The following ARHGEF37 variants were observed in gnomAD, a reference collection of about 807,000 sequenced individuals.
ARHGEF37 encodes the protein Rho guanine nucleotide exchange factor 37, also known as Rho guanine nucleotide exchange factor (GEF) 37.
ARHGEF37 carries 55 observed loss-of-function variants against 71.1 expected under a neutral mutation model. The observed-to-expected ratio is 0.77, with a 90% CI of 0.62 to 0.97. The LOEUF is 0.97. Ranked by LOEUF, ARHGEF37 falls within the 50% of genes least tolerant of loss-of-function variation. The pLI is 0.00. For synonymous variants in ARHGEF37, 327 were observed against 350.6 expected, an observed-to-expected ratio of 0.93 and a Z score of 0.75; for missense variants, 765 against 836.8, an observed-to-expected ratio of 0.91 and a Z score of 1.06.
At chr5:149,626,927 C>A (rs921572568) in intron 10 of ARHGEF37, 149 bp from the exon 11 acceptor site, 8 of 630,088 alleles carry the variant, frequency 1.3e-5, no homozygotes, top group Admixed American at 2.9e-5. Context: ...CTAGTGAGGG[C>A]CCTGTTGCCC....
chr5:149,608,409 T>TG (rs1763977651), intron 3 of ARHGEF37, among the ~76,000 whole-genome samples: 1 of 151,756 alleles, frequency 6.6e-6, no homozygotes, highest in African/African-American at 2.4e-5. Context: ...CTTGCTCTGT[T>TG]GTGCAGGCTG....
At chr5:149,619,934 A>C (rs1205233229) in intron 7 of ARHGEF37, among the ~76,000 whole-genome samples, 5 of 152,074 alleles carry the variant, frequency 3.3e-5, no homozygotes, top group Non-Finnish European at 5.9e-5. Flanking sequence ...TTAGCCAGGC[A>C]AGGTGTCACA....
chr5:149,621,553 G>A (rs564278813), intron 8 of ARHGEF37, among the ~76,000 whole-genome samples, 180 bp from the exon 9 acceptor site: 1 of 152,220 alleles, frequency 6.6e-6, no homozygotes, highest in African/African-American at 2.4e-5. Context: ...TACATGCATC[G>A]TCCCCATTTT....
In ARHGEF37 at chr5:149,632,252, G is replaced by A. The variant is rs1288719480; in HGVS notation, c.*61G>A. The A allele has an allele frequency of 6.4e-7, 1 of 1,558,738 alleles. No homozygotes were observed. Among genetic ancestry groups the A allele is most frequent in the African/African-American group, 1.4e-5 (1 of 73,390 alleles). On this transcript the variant is annotated 3_prime_UTR_variant, in exon 13 of 13. Transcript: ENST00000333677. ...GGGGAGGCTTAGAGGCTCTGACCCT[G>A]GGGGGAAAAGAAGCAAAGGAAAGGT...
chr5:149,602,361 T>C (rs899218669), intron 3 of ARHGEF37, among the ~76,000 whole-genome samples: 1 of 152,194 alleles, frequency 6.6e-6, no homozygotes, highest in African/African-American at 2.4e-5. Flanking sequence ...AGCTGATTTA[T>C]GTTTTTCAAA....
At chr5:149,601,471 C>T (rs556218477) in intron 3 of ARHGEF37, among the ~76,000 whole-genome samples, 2 of 152,256 alleles carry the variant, frequency 1.3e-5, no homozygotes, top group East Asian at 1.9e-4. Flanking sequence ...CTTACAGTCA[C>T]GGAATTGTTA....
At chr5:149,558,721 G>A (rs1561781112) in intron 1 of ARHGEF37, among the ~76,000 whole-genome samples, 1 of 135,636 alleles carries the variant, frequency 7.4e-6, no homozygotes, top group Non-Finnish European at 1.5e-5. Flanking sequence ...GTGTGTGTGT[G>A]TGTGTGTGTG....
chr5:149,619,149 C>T (rs1752463521), intron 7 of ARHGEF37, 107 bp downstream of exon 7: 9 of 857,798 alleles, frequency 1.0e-5, no homozygotes, highest in Non-Finnish European at 1.4e-5. Flanking sequence ...GCCTCAGAAA[C>T]CAACCAGATG....
chr5:149,598,785 G>GAT (rs1325785174), intron 2 of ARHGEF37, among the ~76,000 whole-genome samples: 95 of 143,146 alleles, frequency 6.6e-4, no homozygotes, highest in African/African-American at 2.5e-3. Context: ...TAGATATATA[G>GAT]ATATAGATAT....
At chr5:149,618,148 G>T in intron 5 of ARHGEF37, 28 bp from the exon 6 acceptor site, 1 of 1,613,278 alleles carries the variant, frequency 6.2e-7, no homozygotes, top group African/African-American at 1.3e-5. Flanking sequence ...CTTGATCACC[G>T]TGCTTCCCCT....
At chr5:149,609,840 C>T in intron 4 of ARHGEF37, 145 bp downstream of exon 4, 1 of 1,148,834 alleles carries the variant, frequency 8.7e-7, no homozygotes, top group East Asian at 2.6e-5. Flanking sequence ...ATAGGGCAGG[C>T]TGTGCCACAG....
intron 1 of ARHGEF37, among the ~76,000 whole-genome samples, chr5:149,569,463 G>T (rs1258781433): frequency 6.7e-6 from 1 of 150,162 alleles, no homozygotes; most frequent in African/African-American, 2.5e-5. Context: ...GGGACTACAG[G>T]CACCTGTCAC....
At chr5:149,616,488 A>G in intron 4 of ARHGEF37, 79 bp from the exon 5 acceptor site, 1 of 1,360,000 alleles carries the variant, frequency 7.4e-7, no homozygotes, top group Non-Finnish European at 1.0e-6. Flanking sequence ...GCTAAATGGT[A>G]GAGTGAGGAC....
At chr5:149,617,844 A>G (rs928386114) in intron 5 of ARHGEF37, among the ~76,000 whole-genome samples, 1 of 152,046 alleles carries the variant, frequency 6.6e-6, no homozygotes, top group Admixed American at 6.6e-5. Context: ...TCTCTCCTCC[A>G]TGGGTTCTTC....
intron 8 of ARHGEF37, among the ~76,000 whole-genome samples, chr5:149,620,829 C>CA (rs66996935): frequency 6.9e-6 from 1 of 144,890 alleles, no homozygotes; most frequent in East Asian, 2.1e-4. Flanking sequence ...GACTCCTTCT[C>CA]AAAAAAAGAA....
chr5:149,619,133 G>T, intron 7 of ARHGEF37, 91 bp downstream of exon 7: 1 of 1,084,586 alleles, frequency 9.2e-7, no homozygotes, highest in Non-Finnish European at 1.4e-6. Flanking sequence ...GCTGGGAAAG[G>T]CACCAGCCTC....
chr5:149,556,487 G>T (rs1023768450), intron 1 of ARHGEF37, among the ~76,000 whole-genome samples: 2 of 151,860 alleles, frequency 1.3e-5, no homozygotes, highest in Non-Finnish European at 2.9e-5. Context: ...TCCCAGGTTC[G>T]AGCGATTCTC....
Position 149,628,815 on chromosome 5 carries a change from G to C in ARHGEF37, c.1667G>C (p.Arg556Pro), listed in dbSNP as rs779590644. Residue 556 changes from arginine to proline, a missense_variant, in exon 12 of 13, where the codon CGT becomes CCT. Arg to Pro is a moderately radical substitution (Grantham distance 103). This residue lies in a region of ARHGEF37 where 390 missense variants were observed against 407.4 expected (regional missense o/e 0.96). Transcript: ENST00000333677. ...GRWLVDTGGH[R>P]GYVPAGKLQL... Reference sequence around the variant, plus strand: ...CCTTCTGCATGCTCCCTAGGACATCGTGGGTATGTGCCGGCTGGGAAACTA... The same window carrying C: ...CCTTCTGCATGCTCCCTAGGACATCCTGGGTATGTGCCGGCTGGGAAACTA... The C allele has an allele frequency of 3.1e-6, 5 of 1,612,832 alleles. No homozygotes were observed. Among genetic ancestry groups the C allele is most frequent in the Non-Finnish European group, 3.4e-6 (4 of 1,179,524 alleles).
At chr5:149,588,539 T>C (rs1317538104) in intron 1 of ARHGEF37, among the ~76,000 whole-genome samples, 1 of 152,058 alleles carries the variant, frequency 6.6e-6, no homozygotes, top group Non-Finnish European at 1.5e-5. Flanking sequence ...CCTCATGTGA[T>C]CTGCCCGCCT....
Sources: allele counts gnomAD v4.1 joint callset (sites outside exome capture counted in the v4.1 genomes callset), GRCh38; gene constraint gnomAD v4.1.1; regional missense constraint gnomAD v4.1.1; transcripts MANE v1.5; gene names NCBI Gene and HGNC (gene_info 2026-07-23, HGNC 2026-07-21).